The following CTSB variants were observed in gnomAD, a reference collection of about 807,000 sequenced individuals.
The protein encoded by CTSB is cathepsin B, also known as APP secretase.
A neutral mutation model predicts 44.3 loss-of-function variants in CTSB; 57 were observed. The observed-to-expected ratio is 1.29, with a 90% CI of 1.04 to 1.60. CTSB has a LOEUF of 1.60. Ranked by LOEUF, CTSB falls within the 40% of genes most tolerant of loss-of-function variation. The pLI is 0.00. For synonymous variants in CTSB, 320 were observed against 168.0 expected, an observed-to-expected ratio of 1.91 and a Z score of -7.00; for missense variants, 768 against 443.0, an observed-to-expected ratio of 1.73 and a Z score of -6.59.
rs1287813963 is a variant in CTSB at position 11,845,317 on chromosome 8, G to C, written c.923-95C>G. On this transcript the variant is annotated intron_variant, in intron 9 of 9. Coordinates refer to ENST00000353047, the MANE Select transcript of CTSB (RefSeq NM_001908.5). ...AAAGACCTTAAGTCACTCATCCCTG[G>C]CCACTCCTGCTGTTGGCCCACTAGC... 5 of 947,848 alleles carry C rather than the reference G, an allele frequency of 5.3e-6. No homozygotes were observed. The African/African-American group carries it at 8.1e-5, about 15-fold the overall frequency. The allele number at this position is 947,848 out of a possible 1,614,324, so 58.7% of individuals were successfully genotyped here.
At chr8:11,846,778 G>T (rs1813430318) in intron 8 of CTSB, among the ~76,000 whole-genome samples, 1 of 152,198 alleles carries the variant, frequency 6.6e-6, no homozygotes, top group African/African-American at 2.4e-5. Context: ...GAACATGTAT[G>T]AGCTGGACGC....
chr8:11,849,178 C>T lies in CTSB; in HGVS notation c.328-14G>A. Reference sequence around the variant, plus strand: ...AGCCCCGAAGGCCTGCAGGAACGAGCCCCACCGGGTGAGGCTGCCATGTCC... The same window carrying T: ...AGCCCCGAAGGCCTGCAGGAACGAGTCCCACCGGGTGAGGCTGCCATGTCC... On this transcript the variant is annotated splice_polypyrimidine_tract_variant and intron_variant, in intron 4 of 9. Coordinates refer to ENST00000353047, the MANE Select transcript of CTSB (RefSeq NM_001908.5). The T allele has an allele frequency of 6.2e-7, 1 of 1,606,208 alleles. No individual in the cohort carries two copies. Among genetic ancestry groups the T allele is most frequent in the Non-Finnish European group, 8.5e-7 (1 of 1,175,260 alleles).
chr8:11,859,988 CT>C (rs200852379), intron 1 of CTSB, among the ~76,000 whole-genome samples: 2,856 of 151,772 alleles, frequency 0.019, 45 homozygotes, highest in Middle Eastern at 0.048. Context: ...AGGAAAATTG[CT>C]TGAACCCAGG....
At chr8:11,863,062 T>C (rs1311215415) in intron 1 of CTSB, among the ~76,000 whole-genome samples, 1 of 152,178 alleles carries the variant, frequency 6.6e-6, no homozygotes, top group Non-Finnish European at 1.5e-5. Context: ...TCTATAATTC[T>C]GACACTTCGG....
rs1203722463 is a variant in CTSB, at chr8:11,846,967, C to T, written c.793+85G>A. 9 of 757,422 alleles carry T rather than the reference C, an allele frequency of 1.2e-5. No homozygotes were observed. In the South Asian group the frequency reaches 1.3e-4, roughly 11 times the overall value. 46.9% of individuals were successfully genotyped at this position (757,422 alleles called of 1,614,324 possible). A position where few individuals can be genotyped will look rare whatever the true frequency, so the allele number is the denominator to read the frequency against. On this transcript the variant is annotated intron_variant, in intron 8 of 9. Coordinates refer to ENST00000353047, the MANE Select transcript of CTSB (RefSeq NM_001908.5). ...CCCCTCACCTGCCTGCCCAATCCAGCCCTATTGGTCAACATGAACCATCCT... is the reference window on the plus strand; with the variant it reads ...CCCCTCACCTGCCTGCCCAATCCAGTCCTATTGGTCAACATGAACCATCCT...
intron 1 of CTSB, 141 bp from the exon 2 acceptor site, chr8:11,853,620 G>T: frequency 1.3e-6 from 1 of 798,170 alleles, no homozygotes; most frequent in Non-Finnish European, 1.9e-6. Context: ...GAGCTGAGGT[G>T]TCTATGGGAT....
intron 8 of CTSB, 115 bp from the exon 9 acceptor site, chr8:11,845,904 C>T (rs779501024): frequency 6.6e-5 from 86 of 1,300,226 alleles, no homozygotes; most frequent in Non-Finnish European, 8.6e-5. Context: ...CCAGAGGGAA[C>T]CTGCTGCTCC....
At chr8:11,850,383 C>G (rs1240438079) in intron 4 of CTSB, among the ~76,000 whole-genome samples, 3 of 134,344 alleles carry the variant, frequency 2.2e-5, no homozygotes, top group African/African-American at 8.5e-5. Flanking sequence ...CCCACCACTG[C>G]ACTCCAGCCT....
intron 3 of CTSB, 86 bp downstream of exon 3, chr8:11,852,524 G>A: frequency 9.5e-7 from 1 of 1,051,082 alleles, no homozygotes; most frequent in East Asian, 2.5e-5. Flanking sequence ...GCGGACGCCA[G>A]AGAGGCCTTC....
chr8:11,857,979 C>G (rs1002153650), intron 1 of CTSB: 1 of 152,300 alleles, frequency 6.6e-6, no homozygotes, highest in African/African-American at 2.4e-5. Context: ...CACTTGGAGT[C>G]AGGAGACCTG....
chr8:11,853,765 G>A (rs755032062), intron 1 of CTSB: 44 of 307,320 alleles, frequency 1.4e-4, no homozygotes, highest in Non-Finnish European at 9.8e-5. Flanking sequence ...ATTTTTAAAC[G>A]GCCTTTGCAT....
chr8:11,862,156 G>C (rs185751582), intron 1 of CTSB, among the ~76,000 whole-genome samples: 1 of 149,994 alleles, frequency 6.7e-6, no homozygotes, highest in Admixed American at 6.7e-5. Context: ...GCAGTGAGCC[G>C]AGATCACGCC....
At position 11,851,910 on chromosome 8, in the gene CTSB, G is replaced by A. The variant is rs904879862; in HGVS notation, c.212+700C>T. Among the ~76,000 whole-genome samples the A allele has an allele frequency of 5.3e-5, 8 of 152,110 alleles. No homozygotes were observed. In the East Asian group the frequency reaches 9.8e-4, roughly 19 times the overall value. ...TCGAACTCCTGACCTCAGGTGATCCGCTTGCCTTGGCATCCCAAAGTGCTG... is the reference window on the plus strand; with the variant it reads ...TCGAACTCCTGACCTCAGGTGATCCACTTGCCTTGGCATCCCAAAGTGCTG... On this transcript the variant is annotated intron_variant, in intron 3 of 9. Transcript: ENST00000353047.
chr8:11,855,347 G>T (rs28525320), intron 1 of CTSB, among the ~76,000 whole-genome samples: 7,898 of 152,042 alleles, frequency 0.052, 699 homozygotes, highest in African/African-American at 0.18. Context: ...AAAGTTTTAT[G>T]AAAAAAATCA....
At position 11,845,720 on chromosome 8, in the gene CTSB, T is replaced by G. The variant is rs757344115; in HGVS notation, c.863A>C (p.Glu288Ala). ...AACCAGCCAGTAGGGTGTGCCATTC[T>G]CCACTCCCCAGCCCAGGATGCGGAT... ...HAIRILGWGV[E>A]NGTPYWLVAN... Residue 288 changes from glutamate to alanine, a missense_variant, in exon 9 of 10, where the codon GAG becomes GCG. By Grantham distance (107) the Glu-to-Ala change is moderately radical. Coordinates refer to ENST00000353047, the MANE Select transcript of CTSB (RefSeq NM_001908.5). 1.5e-5 allele frequency: 24 copies of G among 1,613,964 alleles called. No homozygotes were observed. Among genetic ancestry groups the G allele is most frequent in the Non-Finnish European group, 2.0e-5 (24 of 1,179,966 alleles).
chr8:11,862,764 C>T (rs138182855), intron 1 of CTSB, among the ~76,000 whole-genome samples: 2 of 152,368 alleles, frequency 1.3e-5, no homozygotes, highest in East Asian at 3.9e-4. Flanking sequence ...GAGTCCAGGT[C>T]AGCACGTCAG....
chr8:11,845,839 C>G lies in CTSB; in HGVS notation c.794-50G>C, dbSNP rs746635557. The G allele has an allele frequency of 9.7e-6, 15 of 1,540,868 alleles. No homozygotes were observed. The East Asian group carries it at 3.5e-4, about 36-fold the overall frequency. Reference sequence around the variant, plus strand: ...ACCGAGACCGGGCCACTGTCCCACGCCCCACAGCACCCCCCACACTCAGCT... The same window carrying G: ...ACCGAGACCGGGCCACTGTCCCACGGCCCACAGCACCCCCCACACTCAGCT... On this transcript the variant is annotated intron_variant, in intron 8 of 9. Transcript: ENST00000353047.
chr8:11,866,383 T>C (rs147717950), intron 1 of CTSB, among the ~76,000 whole-genome samples: 309 of 152,346 alleles, frequency 2.0e-3, no homozygotes, highest in African/African-American at 6.9e-3. Context: ...CTGGCCTGCG[T>C]TGCCACCTGG....
chr8:11,857,055 G>A (rs1456831903), intron 1 of CTSB, among the ~76,000 whole-genome samples: 2 of 152,018 alleles, frequency 1.3e-5, no homozygotes, highest in East Asian at 1.9e-4. Context: ...TGGGAGTCTC[G>A]CTCTGTGGCA....
Sources: gnomAD v4.1 joint callset for allele counts (sites outside exome capture counted in the v4.1 genomes callset) on GRCh38, gnomAD v4.1.1 for gene constraint, MANE v1.5 for transcripts, NCBI Gene and HGNC (gene_info 2026-07-23, HGNC 2026-07-21) for gene names.